The following PCDH11X variants were observed in gnomAD, a reference collection of about 807,000 sequenced individuals.
PCDH11X encodes protocadherin 11 X-linked.
In PCDH11X, 18 loss-of-function variants were observed where a neutral mutation model predicts 53.3. The ratio of observed to expected loss-of-function variants is 0.34; its 90% CI spans 0.23 to 0.50. The LOEUF is 0.50. Ranked by LOEUF, PCDH11X falls within the 20% of genes least tolerant of loss-of-function variation. PCDH11X has a pLI of 0.98. For missense variants in PCDH11X, 570 were observed against 1,032.4 expected (o/e 0.55, Z 6.14); for synonymous variants, 279 against 393.3 (o/e 0.71, Z 3.44).
chrX:92,389,804 A>G (rs1355116123), intron 9 of PCDH11X, among the ~76,000 whole-genome samples: 2 of 110,238 alleles, frequency 1.8e-5, no homozygotes, highest in African/African-American at 6.6e-5. Flanking sequence ...AAGTGCTAGC[A>G]TCAATGTATT....
At chrX:92,485,820 A>G (rs1449121839) in intron 10 of PCDH11X, among the ~76,000 whole-genome samples, 1 of 111,442 alleles carries the variant, frequency 9.0e-6, no homozygotes. Flanking sequence ...TCACCCTGCC[A>G]AAGATTCAGC....
chrX:92,324,148 A>G (rs1028202491), intron 8 of PCDH11X, among the ~76,000 whole-genome samples: 1 of 105,367 alleles, frequency 9.5e-6, no homozygotes, highest in African/African-American at 3.5e-5. Flanking sequence ...AAATCCTCTC[A>G]TATCCTTTTT....
intron 8 of PCDH11X, among the ~76,000 whole-genome samples, chrX:92,385,487 C>T (rs4893177): frequency 0.21 from 21,097 of 102,210 alleles, 1,583 homozygotes; most frequent in Non-Finnish European, 0.24. Flanking sequence ...TCAGATAATA[C>T]AGTCAATGTC....
At chrX:92,269,296 AC>A (rs1431562688) in intron 8 of PCDH11X, among the ~76,000 whole-genome samples, 2 of 111,970 alleles carry the variant, frequency 1.8e-5, no homozygotes, top group African/African-American at 6.5e-5. Context: ...TGTATTCTTC[AC>A]AGCCACTGAG....
chrX:92,251,959 C>G (rs1038675371), intron 7 of PCDH11X, among the ~76,000 whole-genome samples: 1 of 110,443 alleles, frequency 9.1e-6, no homozygotes. Context: ...CAAATTTAGC[C>G]AAAAAATAAT....
At chrX:91,907,615 A>G (rs989215493) in intron 6 of PCDH11X, among the ~76,000 whole-genome samples, 57 of 107,408 alleles carry the variant, frequency 5.3e-4, no homozygotes, top group Non-Finnish European at 9.4e-4. Context: ...AAACAATCAC[A>G]GTTATGTAAT....
intron 6 of PCDH11X, among the ~76,000 whole-genome samples, chrX:92,012,459 A>G (rs895667677): frequency 1.2e-4 from 13 of 111,786 alleles, no homozygotes; most frequent in African/African-American, 4.2e-4. Context: ...TTAAAAATGT[A>G]GAGAACTGAA....
chrX:92,015,267 GC>G (rs758546225), intron 6 of PCDH11X, among the ~76,000 whole-genome samples: 16 of 111,502 alleles, frequency 1.4e-4, no homozygotes, highest in Non-Finnish European at 1.5e-4. Flanking sequence ...GAAGGGTCTT[GC>G]CTTGATGTTG....
At chrX:92,215,029 C>T (rs184332679) in intron 7 of PCDH11X, among the ~76,000 whole-genome samples, 8 of 111,623 alleles carry the variant, frequency 7.2e-5, no homozygotes, top group African/African-American at 1.3e-4. Flanking sequence ...GCCCCGGCGA[C>T]GGAAGGGAGA....
rs1442056680 is a variant in PCDH11X, at chrX:92,568,453, T to C, written c.3368-49811T>C. Among the ~76,000 whole-genome samples, 4 of 107,773 alleles carry C rather than the reference T, an allele frequency of 3.7e-5. No individual in the cohort carries two copies. The South Asian group carries it at 1.2e-3, about 33-fold the overall frequency. The allele number at this position is 107,773 out of a possible 115,157, so 93.6% of individuals were successfully genotyped here. The stretch of plus-strand genomic sequence containing the variant: ...AAAAAAAAATTCATAGTAGTCATAG[T>C]TTTTATATCACTTTAGAGTCAATAT... On this transcript the variant is annotated intron_variant, in intron 10 of 10. Coordinates refer to ENST00000682573, the MANE Select transcript of PCDH11X (RefSeq NM_032968.5).
intron 9 of PCDH11X, among the ~76,000 whole-genome samples, chrX:92,423,965 C>T (rs1391973846): frequency 2.2e-5 from 2 of 91,645 alleles, no homozygotes; most frequent in African/African-American, 7.1e-5. Flanking sequence ...TTTGGCTATG[C>T]GGGCTCTTTT....
chrX:92,231,529 T>C (rs1414884531), intron 7 of PCDH11X, among the ~76,000 whole-genome samples: 1 of 111,846 alleles, frequency 8.9e-6, no homozygotes, highest in African/African-American at 3.2e-5. Context: ...AATTCCATTC[T>C]GATATAAGCA....
intron 6 of PCDH11X, among the ~76,000 whole-genome samples, chrX:92,021,976 AT>A (rs2062891856): frequency 9.2e-6 from 1 of 108,287 alleles, no homozygotes; most frequent in Non-Finnish European, 1.9e-5. Flanking sequence ...ATACTGAAGG[AT>A]TTCATCATCA....
intron 10 of PCDH11X, among the ~76,000 whole-genome samples, chrX:92,574,724 T>C (rs888355378): frequency 9.0e-6 from 1 of 111,421 alleles, no homozygotes; most frequent in Admixed American, 9.6e-5. Flanking sequence ...TACTAATTAC[T>C]GGGCTAAGTA....
chrX:92,448,645 G>A (rs1020691366), intron 9 of PCDH11X, among the ~76,000 whole-genome samples: 1 of 99,681 alleles, frequency 1.0e-5, no homozygotes, highest in African/African-American at 3.7e-5. Flanking sequence ...ACTAACACAC[G>A]AAATTTCCTC....
chrX:92,358,146 G>A (rs1304124436), intron 8 of PCDH11X, among the ~76,000 whole-genome samples: 1 of 104,822 alleles, frequency 9.5e-6, no homozygotes, highest in Non-Finnish European at 1.9e-5. Context: ...TAAGCAAACA[G>A]TTGTAGATCT....
intron 5 of PCDH11X, among the ~76,000 whole-genome samples, chrX:91,871,919 G>T (rs80277797): frequency 9.0e-6 from 1 of 111,114 alleles, no homozygotes; most frequent in Non-Finnish European, 1.9e-5. Flanking sequence ...GAGGTTATTA[G>T]AAAGTCCATG....
At chrX:92,293,308 G>A (rs2522570) in intron 8 of PCDH11X, among the ~76,000 whole-genome samples, 1 of 110,450 alleles carries the variant, frequency 9.1e-6, no homozygotes, top group Non-Finnish European at 1.9e-5. Flanking sequence ...CTTTGGAATG[G>A]TAATAGAGTT....
At chrX:92,165,411 G>A (rs1011678511) in intron 6 of PCDH11X, among the ~76,000 whole-genome samples, 1 of 100,363 alleles carries the variant, frequency 1.0e-5, no homozygotes, top group Non-Finnish European at 2.0e-5. Flanking sequence ...TATTACCAAA[G>A]CCATCTTGCC....
Sources: allele counts gnomAD v4.1 joint callset (sites outside exome capture counted in the v4.1 genomes callset), GRCh38; gene constraint gnomAD v4.1.1; transcripts MANE v1.5; gene names NCBI Gene and HGNC (gene_info 2026-07-23, HGNC 2026-07-21).